ADAMTSL1: variants seen among roughly 807,000 people sequenced by gnomAD.
ADAMTSL1 encodes the protein ADAMTS like 1, also known as ADAMTS-like protein 1.
In ADAMTSL1, 126 loss-of-function variants were observed where a neutral mutation model predicts 201.8. The observed-to-expected ratio is 0.62, with a 90% CI of 0.54 to 0.72. The LOEUF is 0.72. Ranked by LOEUF, ADAMTSL1 falls within the 30% of genes least tolerant of loss-of-function variation. ADAMTSL1 has a pLI of 0.00. For missense variants in ADAMTSL1, 2,679 were observed against 2,277.8 expected, an observed-to-expected ratio of 1.18 and a Z score of -3.59; for synonymous variants, 1,121 against 903.4, an observed-to-expected ratio of 1.24 and a Z score of -4.32.
intron 21 of ADAMTSL1, among the ~76,000 whole-genome samples, chr9:18,821,397 C>T (rs1490901109): frequency 1.3e-5 from 2 of 152,096 alleles, no homozygotes; most frequent in Non-Finnish European, 2.9e-5. Flanking sequence ...TTACCTCTAT[C>T]CTATCAACCA....
intron 2 of ADAMTSL1, among the ~76,000 whole-genome samples, chr9:18,454,442 T>A (rs1250524042): frequency 6.6e-6 from 1 of 152,160 alleles, no homozygotes; most frequent in Non-Finnish European, 1.5e-5. Flanking sequence ...GGAAACACCC[T>A]CACAGACACA....
chr9:18,602,560 G>T (rs773404308), intron 4 of ADAMTSL1, among the ~76,000 whole-genome samples: 8 of 152,134 alleles, frequency 5.3e-5, no homozygotes, highest in African/African-American at 1.9e-4. Context: ...TGCCTTTATT[G>T]TTCCAGGGTA....
chr9:18,349,920 C>T (rs1397652876), intron 2 of ADAMTSL1, among the ~76,000 whole-genome samples: 1 of 144,586 alleles, frequency 6.9e-6, no homozygotes, highest in African/African-American at 2.5e-5. Flanking sequence ...AAAGTAATGG[C>T]AAAAACAGCC....
chr9:18,146,697 C>T (rs1826660979), intron 1 of ADAMTSL1, among the ~76,000 whole-genome samples: 1 of 152,086 alleles, frequency 6.6e-6, no homozygotes, highest in Non-Finnish European at 1.5e-5. Flanking sequence ...TATGCTCAAA[C>T]AATATTTGGT....
chr9:18,230,030 T>C (rs1347203705), intron 2 of ADAMTSL1, among the ~76,000 whole-genome samples: 1 of 152,128 alleles, frequency 6.6e-6, no homozygotes, highest in Non-Finnish European at 1.5e-5. Context: ...ATATTCCAGG[T>C]ACTTTATTCC....
rs185034428 is a variant in ADAMTSL1 at position 18,059,918 on chromosome 9, C to G, written c.88-103944C>G. Among the ~76,000 whole-genome samples the G allele has an allele frequency of 1.4e-3, 213 of 152,048 alleles. 1 individual carries two copies. Among genetic ancestry groups the G allele is most frequent in the Non-Finnish European group, 2.4e-3 (165 of 67,954 alleles). ...TTTCTGTTGACTCAAAAGTCCTTAA[C>G]AAAGTTTTCTTTAAAAAAAACTTCA... On this transcript the variant is annotated intron_variant, in intron 1 of 29. Coordinates refer to the ADAMTSL1 transcript ENST00000680146.
chr9:18,066,366 G>T (rs887125260), intron 1 of ADAMTSL1, among the ~76,000 whole-genome samples: 7 of 152,230 alleles, frequency 4.6e-5, no homozygotes, highest in Middle Eastern at 3.4e-3. Flanking sequence ...AGTTACAAAT[G>T]TTTATATAAG....
At chr9:18,014,722 G>T (rs1359006900) in intron 1 of ADAMTSL1, among the ~76,000 whole-genome samples, 3 of 152,046 alleles carry the variant, frequency 2.0e-5, no homozygotes, top group Admixed American at 6.6e-5. Context: ...CAGGGGAATT[G>T]CAGGGAGGCC....
intron 1 of ADAMTSL1, among the ~76,000 whole-genome samples, chr9:18,011,824 T>G (rs1314220967): frequency 2.0e-5 from 3 of 152,064 alleles, no homozygotes; most frequent in African/African-American, 7.2e-5. Context: ...TCCAGCCCAG[T>G]GTATTTTACA....
Position 18,775,796 on chromosome 9 carries a change from G to A in ADAMTSL1, c.2451G>A (p.Lys817=), listed in dbSNP as rs1354791848. 1 of 1,612,546 alleles carries A rather than the reference G, an allele frequency of 6.2e-7. No individual in the cohort carries two copies. Among genetic ancestry groups the A allele is most frequent in the Non-Finnish European group, 8.5e-7 (1 of 1,179,306 alleles). Residue 817 remains lysine (K), a synonymous_variant, in exon 18 of 29, where the codon AAG becomes AAA. Transcript: ENST00000380548. ...AGACTCGAAGCGCCATTTGCCGAAA[G>A]ATGCTGAAAACCGGCCTCTCAACGG... ...GTQTRSAICR[K]MLKTGLSTVV...
At chr9:18,270,755 C>G (rs1166019486) in intron 2 of ADAMTSL1, among the ~76,000 whole-genome samples, 3 of 152,164 alleles carry the variant, frequency 2.0e-5, no homozygotes, top group African/African-American at 4.8e-5. Flanking sequence ...GGGGAAGTAA[C>G]TCTTCAGCCA....
intron 2 of ADAMTSL1, among the ~76,000 whole-genome samples, chr9:18,204,101 T>A (rs1484851585): frequency 1.3e-5 from 2 of 152,192 alleles, no homozygotes; most frequent in African/African-American, 4.8e-5. Context: ...TATTATCTAC[T>A]GTGGGCTAGC....
chr9:17,917,216 C>A (rs192924647), intron 1 of ADAMTSL1, among the ~76,000 whole-genome samples: 7 of 152,146 alleles, frequency 4.6e-5, no homozygotes, highest in African/African-American at 1.7e-4. Context: ...AAAGAGAGTT[C>A]TTTAAAGTCT....
rs747268768 is a variant in ADAMTSL1 at position 18,889,765 on chromosome 9, C to G, written c.4643+17C>G. On this transcript the variant is annotated intron_variant, in intron 25 of 28. Coordinates refer to ENST00000380548, the MANE Select transcript of ADAMTSL1 (RefSeq NM_001040272.6). The stretch of plus-strand genomic sequence containing the variant: ...CCCTTCTCGGTGAGTGCAGCGGACA[C>G]TGGCTCAGACCTCCCCACCCTAGGA... 10 of 1,456,002 alleles carry G rather than the reference C, an allele frequency of 6.9e-6. No individual in the cohort carries two copies. The highest frequency in any genetic ancestry group is 9.0e-6 in the Non-Finnish European group (10 of 1,105,946). 90.2% of individuals were successfully genotyped at this position (1,456,002 alleles called of 1,614,324 possible). A position where few individuals can be genotyped will look rare whatever the true frequency, so the allele number is the denominator to read the frequency against.
At chr9:18,634,330 G>T (rs527276578) in intron 5 of ADAMTSL1, among the ~76,000 whole-genome samples, 4 of 152,076 alleles carry the variant, frequency 2.6e-5, no homozygotes, top group Non-Finnish European at 5.9e-5. Flanking sequence ...TTGGGAGGCC[G>T]AGGCAGGTGG....
At chr9:18,414,492 AAAAC>A (rs1256996901) in intron 2 of ADAMTSL1, among the ~76,000 whole-genome samples, 1 of 152,232 alleles carries the variant, frequency 6.6e-6, no homozygotes, top group Non-Finnish European at 1.5e-5. Flanking sequence ...AACAACCAAA[AAAAC>A]AAACAAAAAT....
At chr9:17,947,312 T>TACACACACACACAC (rs34840423) in intron 1 of ADAMTSL1, among the ~76,000 whole-genome samples, 5 of 143,378 alleles carry the variant, frequency 3.5e-5, no homozygotes, top group South Asian at 4.6e-4. Context: ...TATACACACA[T>TACACACACACACAC]ACACACACAC....
chr9:18,723,267 T>C (rs1817657648), intron 15 of ADAMTSL1: 3 of 601,310 alleles, frequency 5.0e-6, no homozygotes, highest in Non-Finnish European at 5.9e-6. Flanking sequence ...TGCTGTGTGC[T>C]AATCATTCCT....
intron 23 of ADAMTSL1, among the ~76,000 whole-genome samples, chr9:18,856,492 C>G (rs1325465039): frequency 9.2e-6 from 1 of 108,344 alleles, no homozygotes; most frequent in Non-Finnish European, 1.7e-5. Flanking sequence ...GAGACGGAGT[C>G]TCGCTCTGTC....
Sources: allele counts gnomAD v4.1 joint callset (sites outside exome capture counted in the v4.1 genomes callset), GRCh38; gene constraint gnomAD v4.1.1; transcripts MANE v1.5; gene names NCBI Gene and HGNC (gene_info 2026-07-23, HGNC 2026-07-21).